The following LIPM variants were observed in gnomAD, a reference collection of about 807,000 sequenced individuals.
The protein encoded by LIPM is lipase family member M.
LIPM carries 42 observed loss-of-function variants against 42.4 expected under a neutral mutation model. The ratio of observed to expected loss-of-function variants is 0.99; its 90% confidence interval spans 0.77 to 1.28. The LOEUF is 1.28. Among genes scored for constraint, LIPM ranks in the 50% most tolerant of loss-of-function variants. LIPM has a pLI of 0.00. For missense variants in LIPM, 524 were observed against 520.1 expected, an observed-to-expected ratio of 1.01 and a Z score of -0.07; for synonymous variants, 177 against 173.3, an observed-to-expected ratio of 1.02 and a Z score of -0.17.
intron 6 of LIPM, among the ~76,000 whole-genome samples, chr10:88,815,981 T>A (rs1254682220): frequency 6.6e-6 from 1 of 152,100 alleles, no homozygotes; most frequent in African/African-American, 2.4e-5. Flanking sequence ...ATGATTTGGG[T>A]CCTGCTCTAG....
Position 88,805,567 on chromosome 10 carries a change from T to G in LIPM, c.147+2524T>G, listed in dbSNP as rs148245845. On this transcript the variant is annotated intron_variant, in intron 1 of 8. Transcript: ENST00000404743. The stretch of plus-strand genomic sequence containing the variant: ...GCACCAAGAACTGCTTTGTCATGCC[T>G]TTATCTTCATTCTAAATCTGTGAGG... Among the ~76,000 whole-genome samples the G allele has an allele frequency of 8.9e-3, 1,363 of 152,334 alleles. 51 individuals carry two copies. Among genetic ancestry groups the G allele is most frequent in the East Asian group, 0.081 (422 of 5,186 alleles).
intron 1 of LIPM, among the ~76,000 whole-genome samples, chr10:88,804,934 T>A (rs969833399): frequency 6.6e-6 from 1 of 152,198 alleles, no homozygotes. Flanking sequence ...CGGCTCACCC[T>A]TGAATTCTTT....
intron 2 of LIPM, among the ~76,000 whole-genome samples, chr10:88,810,553 T>C (rs1002591386): frequency 2.6e-5 from 4 of 151,688 alleles, no homozygotes; most frequent in African/African-American, 7.3e-5. Context: ...GCCAGTGAAA[T>C]TCTTATTGAA....
chr10:88,819,024 A>G (rs1168919557), intron 8 of LIPM, among the ~76,000 whole-genome samples: 1 of 151,770 alleles, frequency 6.6e-6, no homozygotes, highest in Non-Finnish European at 1.5e-5. Flanking sequence ...AGTAGCTGGG[A>G]CTACAGGTGC....
At chr10:88,804,325 G>A (rs973631794) in intron 1 of LIPM, among the ~76,000 whole-genome samples, 1 of 152,128 alleles carries the variant, frequency 6.6e-6, no homozygotes, top group Non-Finnish European at 1.5e-5. Context: ...CGTGTACCCA[G>A]CACCTATACA....
At chr10:88,816,663 A>G (rs779145669) in intron 6 of LIPM, among the ~76,000 whole-genome samples, 153 bp from the exon 7 acceptor site, 8 of 152,206 alleles carry the variant, frequency 5.3e-5, no homozygotes, top group Non-Finnish European at 1.0e-4. Flanking sequence ...CATTTTATTT[A>G]CGTGCATGTA....
At position 88,808,331 on chromosome 10, in the gene LIPM, G is replaced by A; in HGVS notation, c.181G>A (p.Glu61Lys). 6.4e-7 allele frequency: 1 copy of A among 1,550,436 alleles called. No individual in the cohort carries two copies. The highest frequency in any genetic ancestry group is 1.2e-5 in the South Asian group (1 of 84,018). ...EIIQHQGYPCEEYEVATEDGY... is the reference protein window; with the variant it reads ...EIIQHQGYPCKEYEVATEDGY... Reference sequence around the variant, plus strand: ...CATCCAACATCAAGGCTATCCCTGTGAGGAATATGAAGTCGCAACTGAAGA... The same window carrying A: ...CATCCAACATCAAGGCTATCCCTGTAAGGAATATGAAGTCGCAACTGAAGA... Residue 61 changes from glutamate to lysine, a missense_variant, in exon 2 of 9, where the codon GAG becomes AAG. By Grantham distance (56) the Glu-to-Lys change is moderately conservative (BLOSUM62 1). Coordinates refer to ENST00000404743, the MANE Select transcript of LIPM (RefSeq NM_001128215.1).
At chr10:88,804,891 AC>A (rs1373734071) in intron 1 of LIPM, among the ~76,000 whole-genome samples, 3 of 152,224 alleles carry the variant, frequency 2.0e-5, no homozygotes, top group Non-Finnish European at 4.4e-5. Context: ...AAGGAGCAGT[AC>A]CATTCAGTAA....
Position 88,815,223 on chromosome 10 carries a change from A to G in LIPM, c.710A>G (p.Lys237Arg), listed in dbSNP as rs1843704372. The G allele has an allele frequency of 2.6e-6, 4 of 1,551,546 alleles. No individual in the cohort carries two copies. Among genetic ancestry groups the G allele is most frequent in the Non-Finnish European group, 3.5e-6 (4 of 1,146,956 alleles). Reference sequence around the variant, plus strand: ...TTGTTGCTGCCAGATATGATGATCAAGGTATGAGACTCCTCAGAAAACTTC... The same window carrying G: ...TTGTTGCTGCCAGATATGATGATCAGGGTATGAGACTCCTCAGAAAACTTC... ...KFLLLPDMMIKGLFGKKEFLY... is the reference protein window; with the variant it reads ...KFLLLPDMMIRGLFGKKEFLY... Residue 237 changes from lysine (K) to arginine (R), a missense_variant and splice_region_variant, in exon 5 of 9, where the codon AAG (lysine) becomes AGG (arginine). Coordinates refer to ENST00000404743, the MANE Select transcript of LIPM (RefSeq NM_001128215.1).
At chr10:88,818,035 A>T (rs1172692399) in intron 8 of LIPM, 139 bp downstream of exon 8, 1 of 700,960 alleles carries the variant, frequency 1.4e-6, no homozygotes, top group African/African-American at 1.8e-5. Flanking sequence ...GTTTGACTCC[A>T]TTTGAAAATG....
chr10:88,807,377 C>T (rs192527850), intron 1 of LIPM, among the ~76,000 whole-genome samples: 1 of 152,310 alleles, frequency 6.6e-6, no homozygotes, highest in East Asian at 1.9e-4. Flanking sequence ...TATATTCTAC[C>T]TGGGCATGTG....
chr10:88,812,180 G>T (rs1436322601), intron 2 of LIPM, among the ~76,000 whole-genome samples: 1 of 152,034 alleles, frequency 6.6e-6, no homozygotes, highest in Non-Finnish European at 1.5e-5. Flanking sequence ...TATGTTTTTG[G>T]CAGGAATAAC....
chr10:88,802,957 A>G lies in LIPM; in HGVS notation c.61A>G (p.Ile21Val). The G allele has an allele frequency of 2.6e-6, 4 of 1,551,292 alleles. No homozygotes were observed. In the East Asian group the frequency reaches 9.8e-5, roughly 38 times the overall value. Residue 21 changes from isoleucine (I) to valine (V), a missense_variant, in exon 1 of 9, where the codon ATT becomes GTT. Physicochemically the swap from Ile to Val is conservative, Grantham distance 29. Coordinates refer to ENST00000404743, the MANE Select transcript of LIPM (RefSeq NM_001128215.1). The part of the protein sequence containing the change: ...VSHRMEMWLL[I>V]LVAYMFQRNV... The stretch of plus-strand genomic sequence containing the variant: ...ACACAGAATGGAAATGTGGCTTCTG[A>G]TTCTGGTGGCGTATATGTTCCAGAG...
intron 1 of LIPM, chr10:88,805,837 C>A: frequency 2.6e-6 from 1 of 379,870 alleles, no homozygotes; most frequent in South Asian, 1.9e-5. Flanking sequence ...ATCATCATCG[C>A]CTGTGGAAAG....
chr10:88,808,010 G>A (rs1843609016), intron 1 of LIPM, among the ~76,000 whole-genome samples: 1 of 152,202 alleles, frequency 6.6e-6, no homozygotes, highest in Non-Finnish European at 1.5e-5. Context: ...GATTCAGTAG[G>A]TTTGGTTGGA....
intron 1 of LIPM, among the ~76,000 whole-genome samples, 160 bp downstream of exon 1, chr10:88,803,203 G>A (rs1843548770): frequency 6.6e-6 from 1 of 152,200 alleles, no homozygotes; most frequent in South Asian, 2.1e-4. Flanking sequence ...TAAACTGGAT[G>A]TCAGTAGACC....
Position 88,820,542 on chromosome 10 carries a change from A to T in LIPM, c.*41A>T. On this transcript the variant is annotated 3_prime_UTR_variant, in exon 9 of 9. Transcript: ENST00000404743. ...CGATCTTAGGACAACCTCCTGAGGGATGGGGCTAGGACCCATGAAGGCAGA... is the reference window on the plus strand; with the variant it reads ...CGATCTTAGGACAACCTCCTGAGGGTTGGGGCTAGGACCCATGAAGGCAGA... 2 of 1,530,204 alleles carry T rather than the reference A, an allele frequency of 1.3e-6. No homozygotes were observed. The highest frequency in any genetic ancestry group is 8.8e-7 in the Non-Finnish European group (1 of 1,138,542). The allele number at this position is 1,530,204 out of a possible 1,614,324, so 94.8% of individuals were successfully genotyped here.
intron 2 of LIPM, among the ~76,000 whole-genome samples, chr10:88,811,707 T>C (rs1843658679): frequency 6.6e-6 from 1 of 152,162 alleles, no homozygotes; most frequent in East Asian, 1.9e-4. Flanking sequence ...TTACCAACTG[T>C]TTACAGTTTT....
intron 2 of LIPM, among the ~76,000 whole-genome samples, chr10:88,811,576 C>T (rs915855270): frequency 1.3e-5 from 2 of 151,994 alleles, no homozygotes; most frequent in African/African-American, 4.8e-5. Flanking sequence ...ATTCTTAAAA[C>T]CCTTCATCCT....
Sources: gnomAD v4.1 joint callset for allele counts (sites outside exome capture counted in the v4.1 genomes callset) on GRCh38, gnomAD v4.1.1 for gene constraint, MANE v1.5 for transcripts, NCBI Gene and HGNC (gene_info 2026-07-23, HGNC 2026-07-21) for gene names.